LRCH2: variants seen among roughly 807,000 people sequenced by gnomAD.
LRCH2 encodes the protein leucine-rich repeat and calponin homology domain-containing protein 2.
LRCH2 carries 38 observed loss-of-function variants against 68.9 expected under a neutral mutation model. That is an observed-to-expected ratio of 0.55 (90% CI 0.43 to 0.72). The LOEUF (loss-of-function observed/expected upper bound fraction) is 0.72, where lower values mean the gene tolerates loss of function less well. Among genes scored for constraint, LRCH2 ranks in the 30% least tolerant of loss-of-function variants. The pLI is 0.00. For missense variants in LRCH2, 528 were observed against 572.9 expected (o/e 0.92, Z 0.80); for synonymous variants, 191 against 208.1 (o/e 0.92, Z 0.71).
chrX:115,193,428 A>G (rs781989815), intron 1 of LRCH2, among the ~76,000 whole-genome samples: 1 of 111,195 alleles, frequency 9.0e-6, no homozygotes, highest in Non-Finnish European at 1.9e-5. Flanking sequence ...TCTCATCTCA[A>G]TGTCAACAAC....
At chrX:115,171,188 C>A (rs1353374343) in intron 5 of LRCH2, among the ~76,000 whole-genome samples, 1 of 111,062 alleles carries the variant, frequency 9.0e-6, no homozygotes, top group Non-Finnish European at 1.9e-5. Context: ...ATTTTATGGG[C>A]TCACATAAGC....
At position 115,176,507 on chromosome X, in the gene LRCH2, A is replaced by ATT. The variant is rs11360572; in HGVS notation, c.864+2918_864+2919dup. Among the ~76,000 whole-genome samples the ATT allele has an allele frequency of 8.4e-3, 803 of 95,357 alleles. 8 individuals are homozygous for ATT. Among genetic ancestry groups the ATT allele is most frequent in the African/African-American group, 0.029 (759 of 26,521 alleles). 82.8% of individuals were successfully genotyped at this position (95,357 alleles called of 115,157 possible). On this transcript the variant is annotated intron_variant, in intron 5 of 20. Transcript: ENST00000317135. ...ATTCAAGTCCTTTGCCTATTTTTCA[A>ATT]TTTTTTTTTTTTTTTGCTATTGAGT...
intron 14 of LRCH2, among the ~76,000 whole-genome samples, chrX:115,137,502 T>A (rs2072300312): frequency 9.2e-6 from 1 of 108,529 alleles, no homozygotes; most frequent in Admixed American, 1.0e-4. Context: ...GAGAAGGACA[T>A]CAAAATGATA....
At chrX:115,192,735 T>C in intron 1 of LRCH2, 2 of 922,769 alleles carry the variant, frequency 2.2e-6, no homozygotes, top group Admixed American at 3.0e-5. Context: ...CTAGTATAAG[T>C]AGGAGTTGTT....
intron 5 of LRCH2, among the ~76,000 whole-genome samples, chrX:115,177,234 CCTGT>C (rs781861115): frequency 1.8e-5 from 2 of 108,383 alleles, no homozygotes; most frequent in Non-Finnish European, 3.8e-5. Flanking sequence ...TACCATCCGA[CCTGT>C]CTGTTAATTT....
intron 18 of LRCH2, 79 bp from the exon 19 acceptor site, chrX:115,122,976 CCAAA>C (rs2072156603): frequency 4.2e-5 from 46 of 1,089,344 alleles, no homozygotes; most frequent in Non-Finnish European, 5.2e-5. Flanking sequence ...TGTTGTATAT[CCAAA>C]CATTTTAAGG....
At chrX:115,212,015 C>T (rs782434243) in intron 1 of LRCH2, among the ~76,000 whole-genome samples, 2 of 111,998 alleles carry the variant, frequency 1.8e-5, no homozygotes, top group South Asian at 7.5e-4. Context: ...CAAATTTTGT[C>T]TAAAGGAGGA....
At chrX:115,195,617 C>T (rs1037610650) in intron 1 of LRCH2, among the ~76,000 whole-genome samples, 3 of 111,308 alleles carry the variant, frequency 2.7e-5, no homozygotes, top group Non-Finnish European at 5.6e-5. Context: ...CATTACCCAA[C>T]AGGGAACACA....
chrX:115,178,384 T>C lies in LRCH2; in HGVS notation c.864+1043A>G, dbSNP rs1037720726. 3.6e-5 allele frequency among the ~76,000 whole-genome samples: 4 copies of C among 112,253 alleles called. No homozygotes were observed. The South Asian group carries it at 1.5e-3, about 41-fold the overall frequency. ...GTTGCACTAGCTATATTCCAAGCAT[T>C]CAACAGCCACATAAACAAGTGGTTA... On this transcript the variant is annotated intron_variant, in intron 5 of 20. Coordinates refer to ENST00000317135, the MANE Select transcript of LRCH2 (RefSeq NM_020871.4).
intron 1 of LRCH2, chrX:115,191,774 G>C: frequency 8.6e-7 from 1 of 1,161,080 alleles, no homozygotes; most frequent in Non-Finnish European, 1.1e-6. Context: ...GGAGGAGGCC[G>C]CTACGAGGAG....
chrX:115,136,206 G>A (rs1180383305), intron 14 of LRCH2, among the ~76,000 whole-genome samples: 2 of 111,667 alleles, frequency 1.8e-5, no homozygotes, highest in East Asian at 5.6e-4. Context: ...TGGAACACAA[G>A]TGGTTTGATT....
At position 115,192,926 on chromosome X, in the gene LRCH2, C is replaced by T. The variant is rs192659123; in HGVS notation, c.350-4556G>A. On this transcript the variant is annotated intron_variant, in intron 1 of 20. Transcript: ENST00000317135. The stretch of plus-strand genomic sequence containing the variant: ...TTGAAATACGATTAATGGCTTCTTC[C>T]CTTGTAAATGTTCCTGATAAATGAG... The T allele has an allele frequency of 8.1e-5, 24 of 296,800 alleles. No homozygotes were observed. The Admixed American group carries it at 1.0e-3, about 13-fold the overall frequency. The allele number at this position is 296,800 out of a possible 1,213,427, so 24.5% of individuals were successfully genotyped here. A position where few individuals can be genotyped will look rare whatever the true frequency, so the allele number is the denominator to read the frequency against.
In LRCH2 at chrX:115,139,349, T is replaced by C. The variant is rs150853675; in HGVS notation, c.1696-9150A>G. Among the ~76,000 whole-genome samples the C allele has an allele frequency of 8.6e-3, 964 of 112,473 alleles. 13 individuals are homozygous for C. Among genetic ancestry groups the C allele is most frequent in the African/African-American group, 0.03 (933 of 30,989 alleles). On this transcript the variant is annotated intron_variant, in intron 14 of 20. Coordinates refer to ENST00000317135, the MANE Select transcript of LRCH2 (RefSeq NM_020871.4). ...ATGTATTTTATGAGTTATTATGTTTTATCATAATAGTAATGAGATACATTT... is the reference window on the plus strand; with the variant it reads ...ATGTATTTTATGAGTTATTATGTTTCATCATAATAGTAATGAGATACATTT...
Position 115,118,797 on chromosome X carries a change from G to A in LRCH2, c.2178+3730C>T, listed in dbSNP as rs1240682345. Among the ~76,000 whole-genome samples, 6 of 110,316 alleles carry A rather than the reference G, an allele frequency of 5.4e-5. No homozygotes were observed. In the Admixed American group the frequency reaches 5.8e-4, roughly 11 times the overall value. On this transcript the variant is annotated intron_variant, in intron 20 of 20. Transcript: ENST00000317135. ...AAATACTGGCAAACTGAATCCAGCA[G>A]CACATCAAAAAGCTTATCCACCATG...
intron 14 of LRCH2, among the ~76,000 whole-genome samples, chrX:115,137,253 AG>A: frequency 9.0e-6 from 1 of 111,125 alleles, no homozygotes; most frequent in East Asian, 2.9e-4. Flanking sequence ...AGGGCAATAG[AG>A]ATAGACATGA....
intron 1 of LRCH2, chrX:115,192,229 C>A (rs1207617561): frequency 8.6e-7 from 1 of 1,162,588 alleles, no homozygotes; most frequent in Non-Finnish European, 1.1e-6. Context: ...GGGCCGCGGC[C>A]TCAACAGTTC....
In LRCH2 at chrX:115,170,354, A is replaced by T. The variant is rs1556547102; in HGVS notation, c.943T>A (p.Ser315Thr). 6 of 1,181,575 alleles carry T rather than the reference A, an allele frequency of 5.1e-6. No individual in the cohort carries two copies. Among genetic ancestry groups the T allele is most frequent in the Non-Finnish European group, 6.8e-6 (6 of 879,805 alleles). ...TTACTCAATGATGGAAGATCCAGGG[A>T]ATCTGGTTTCTTATCCATTCTGCAA... The part of the protein sequence containing the change: ...ACCRMDKKPD[S>T]LDLPSLSKRM... The change falls in exon 6 of 21, where the codon TCC (serine) becomes ACC (threonine). Residue 315 changes from serine to threonine, a missense_variant. Coordinates refer to ENST00000317135, the MANE Select transcript of LRCH2 (RefSeq NM_020871.4).
intron 5 of LRCH2, among the ~76,000 whole-genome samples, chrX:115,174,601 C>CCACACA (rs59364428): frequency 2.7e-4 from 18 of 66,628 alleles, no homozygotes; most frequent in African/African-American, 9.0e-4. Context: ...ACCCCCCCCC[C>CCACACA]CACACACACA....
chrX:115,230,884 T>G (rs1297408372), intron 1 of LRCH2, among the ~76,000 whole-genome samples: 1 of 110,690 alleles, frequency 9.0e-6, no homozygotes, highest in Non-Finnish European at 1.9e-5. Context: ...GGGAAGATTT[T>G]TTTTCCTTAA....
Sources: gnomAD v4.1 joint callset for allele counts (sites outside exome capture counted in the v4.1 genomes callset) on GRCh38, gnomAD v4.1.1 for gene constraint, MANE v1.5 for transcripts, NCBI Gene and HGNC (gene_info 2026-07-23, HGNC 2026-07-21) for gene names.